The following UGT2B10 variants were observed in gnomAD, a reference collection of about 807,000 sequenced individuals.
UGT2B10 encodes the protein UDP-glucuronosyltransferase 2B10.
UGT2B10 carries 51 observed loss-of-function variants against 43.7 expected under a neutral mutation model. That is an observed-to-expected ratio of 1.17 (90% CI 0.93 to 1.47). UGT2B10 has a LOEUF of 1.47. Among genes scored for constraint, UGT2B10 ranks in the 40% most tolerant of loss-of-function variants. The pLI, the probability that UGT2B10 is intolerant of heterozygous loss-of-function variation, is 0.00. For missense variants in UGT2B10, 696 were observed against 617.7 expected, an observed-to-expected ratio of 1.13 and a Z score of -1.34; for synonymous variants, 225 against 209.0, an observed-to-expected ratio of 1.08 and a Z score of -0.66.
In UGT2B10 at chr4:68,828,325, C is replaced by T. The variant is rs762648739; in HGVS notation, c.1307+777C>T. ...GTGTTTTAATATTTAATTTCTTTTA[C>T]ACTTGTATAATATTTTTTAATATAG... On this transcript the variant is annotated intron_variant, in intron 5 of 5. Coordinates refer to ENST00000265403, the MANE Select transcript of UGT2B10 (RefSeq NM_001075.6). Among the ~76,000 whole-genome samples the T allele has an allele frequency of 1.1e-3, 162 of 151,700 alleles. 1 individual carries two copies. The highest frequency in any genetic ancestry group is 8.4e-4 in the Non-Finnish European group (57 of 67,870).
chr4:68,822,051 T>C (rs986879420), intron 2 of UGT2B10, among the ~76,000 whole-genome samples: 3 of 152,074 alleles, frequency 2.0e-5, no homozygotes, highest in Admixed American at 6.6e-5. Context: ...CATACCTACA[T>C]ACACACACAT....
At chr4:68,819,865 T>C (rs755935228) in intron 2 of UGT2B10, among the ~76,000 whole-genome samples, 1 of 152,078 alleles carries the variant, frequency 6.6e-6, no homozygotes, top group Non-Finnish European at 1.5e-5. Flanking sequence ...TTTTAAGGCA[T>C]ATGTAAAAAG....
intron 2 of UGT2B10, among the ~76,000 whole-genome samples, chr4:68,820,920 C>A (rs186675624): frequency 1.3e-3 from 194 of 152,180 alleles, no homozygotes; most frequent in African/African-American, 4.5e-3. Context: ...TGAATCTCTA[C>A]ACAGAGGTTA....
At chr4:68,826,663 G>A (rs1367185240) in intron 4 of UGT2B10, among the ~76,000 whole-genome samples, 166 bp downstream of exon 4, 4 of 152,052 alleles carry the variant, frequency 2.6e-5, no homozygotes, top group Non-Finnish European at 5.9e-5. Context: ...ATAATTGTTG[G>A]CATTTTGTGA....
chr4:68,819,330 T>A (rs835313), intron 2 of UGT2B10, among the ~76,000 whole-genome samples: 134,184 of 151,908 alleles, frequency 0.88, 61,360 homozygotes, highest in Non-Finnish European at 1. Context: ...TGTCTTGGAA[T>A]GTCATAGATG....
Position 68,816,724 on chromosome 4 carries a change from C to A in UGT2B10, c.705C>A (p.Tyr235Ter), listed in dbSNP as rs771325774. The change falls in exon 1 of 6, where the codon TAC becomes TAA. Residue 235 changes from tyrosine (Y) to a stop codon, truncating the protein, a stop_gained. Transcript: ENST00000265403. LOFTEE classifies it high-confidence loss of function. ...IFNMKKWDQF[Y>*]SEVLGRPTTL... ...ATATGAAGAAGTGGGATCAGTTTTACAGTGAAGTTTTAGGTAAGATTTTTT... is the reference window on the plus strand; with the variant it reads ...ATATGAAGAAGTGGGATCAGTTTTAAAGTGAAGTTTTAGGTAAGATTTTTT... 1.3e-6 allele frequency: 2 copies of A among 1,598,746 alleles called. No individual in the cohort carries two copies. Among genetic ancestry groups the A allele is most frequent in the South Asian group, 1.1e-5 (1 of 88,982 alleles).
Position 68,826,465 on chromosome 4 carries a change from T to C in UGT2B10, c.1055T>C (p.Leu352Pro). The C allele has an allele frequency of 6.2e-7, 1 of 1,612,596 alleles. No individual in the cohort carries two copies. Among genetic ancestry groups the C allele is most frequent in the Admixed American group, 1.7e-5 (1 of 59,900 alleles). Residue 352 changes from leucine (L) to proline (P), a missense_variant, in exon 4 of 6, where the codon CTG becomes CCG. Physicochemically the swap from Leu to Pro is moderately conservative, Grantham distance 98. Coordinates refer to ENST00000265403, the MANE Select transcript of UGT2B10 (RefSeq NM_001075.6). The stretch of plus-strand genomic sequence containing the variant: ...GATGCCTTAGGTCTCAATACTCGAC[T>C]GTACAAGTGGATACCCCAGAATGAC... Reference protein sequence around the residue: ...KPDALGLNTRLYKWIPQNDLL... With the variant: ...KPDALGLNTRPYKWIPQNDLL...
intron 3 of UGT2B10, among the ~76,000 whole-genome samples, chr4:68,824,926 G>A (rs981105486): frequency 2.6e-5 from 4 of 151,974 alleles, no homozygotes; most frequent in Non-Finnish European, 5.9e-5. Context: ...AATACTGGTT[G>A]GTAATACTCT....
chr4:68,816,572 G>T lies in UGT2B10; in HGVS notation c.553G>T (p.Gly185Ter), dbSNP rs748152819. 1 of 1,612,844 alleles carries T rather than the reference G, an allele frequency of 6.2e-7. No individual in the cohort carries two copies. The highest frequency in any genetic ancestry group is 1.3e-5 in the African/African-American group (1 of 74,836). ...PGYSFERHSG[G>*]FIFPPSYVPV... ...CTACTCATTTGAAAGGCACAGTGGA[G>T]GATTTATTTTCCCTCCTTCCTACGT... The change falls in exon 1 of 6, where the codon GGA becomes TGA. Residue 185 changes from glycine (G) to a stop codon, truncating the protein, a stop_gained. Coordinates refer to ENST00000265403, the MANE Select transcript of UGT2B10 (RefSeq NM_001075.6). LOFTEE classifies it high-confidence loss of function.
intron 2 of UGT2B10, among the ~76,000 whole-genome samples, chr4:68,821,352 G>GA (rs1172931040): frequency 3.9e-5 from 6 of 152,140 alleles, no homozygotes; most frequent in African/African-American, 1.4e-4. Context: ...TCAAAAGAGA[G>GA]ACAAGATCCC....
intron 3 of UGT2B10, among the ~76,000 whole-genome samples, chr4:68,824,720 A>G (rs1235401747): frequency 6.6e-6 from 1 of 152,180 alleles, no homozygotes; most frequent in Non-Finnish European, 1.5e-5. Flanking sequence ...CAAAATTAGT[A>G]ACAACATAAA....
At chr4:68,820,947 C>G (rs1168858133) in intron 2 of UGT2B10, among the ~76,000 whole-genome samples, 1 of 152,046 alleles carries the variant, frequency 6.6e-6, no homozygotes, top group African/African-American at 2.4e-5. Context: ...TTCAACACTG[C>G]ATAGAAAAAC....
Position 68,826,466 on chromosome 4 carries a change from G to T in UGT2B10, c.1056G>T (p.Leu352=). 1 of 1,612,484 alleles carries T rather than the reference G, an allele frequency of 6.2e-7. No individual in the cohort carries two copies. The highest frequency in any genetic ancestry group is 1.7e-5 in the Admixed American group (1 of 59,876). The part of the protein sequence containing the change: ...KPDALGLNTR[L]YKWIPQNDLL... ...ATGCCTTAGGTCTCAATACTCGACT[G>T]TACAAGTGGATACCCCAGAATGACC... Residue 352 remains leucine (L), a synonymous_variant, in exon 4 of 6, where the codon CTG becomes CTT. Coordinates refer to ENST00000265403, the MANE Select transcript of UGT2B10 (RefSeq NM_001075.6).
chr4:68,817,349 G>C (rs754346996), intron 1 of UGT2B10, among the ~76,000 whole-genome samples: 2 of 151,734 alleles, frequency 1.3e-5, no homozygotes, highest in Non-Finnish European at 3.0e-5. Flanking sequence ...GAAGTGTGAA[G>C]GTTGTTATAT....
chr4:68,829,926 A>G (rs1378810534), intron 5 of UGT2B10, among the ~76,000 whole-genome samples: 1 of 152,098 alleles, frequency 6.6e-6, no homozygotes, highest in African/African-American at 2.4e-5. Context: ...GAGTGCCATA[A>G]TCTCACTTTA....
Position 68,816,202 on chromosome 4 carries a change from T to G in UGT2B10, c.183T>G (p.Ile61Met). The G allele has an allele frequency of 6.2e-7, 1 of 1,613,242 alleles. No individual in the cohort carries two copies. Among genetic ancestry groups the G allele is most frequent in the East Asian group, 2.2e-5 (1 of 44,818 alleles). The change falls in exon 1 of 6, where the codon ATT (isoleucine) becomes ATG (methionine). Residue 61 changes from isoleucine to methionine, a missense_variant. Coordinates refer to ENST00000265403, the MANE Select transcript of UGT2B10 (RefSeq NM_001075.6). ...CTGTACTGGCATCTTCAGCTTCCAT[T>G]CTTTTTGATCCCAACGACTCATCCA... Reference protein sequence around the residue: ...EVTVLASSASILFDPNDSSTL... With the variant: ...EVTVLASSASMLFDPNDSSTL...
chr4:68,824,715 T>C (rs1737682641), intron 3 of UGT2B10, among the ~76,000 whole-genome samples: 1 of 152,164 alleles, frequency 6.6e-6, no homozygotes, highest in African/African-American at 2.4e-5. Context: ...AGTTTCAAAA[T>C]TAGTAACAAC....
In UGT2B10 at chr4:68,816,470, G is replaced by A. The variant is rs200419731; in HGVS notation, c.451G>A (p.Ala151Thr). ...AAGATTTGACATCGTTTTTGCAGAT[G>A]CTTATTTACCCTGTGGTGAGCTGCT... is the stretch of plus-strand genomic sequence containing the variant. The part of the protein sequence containing the change: ...ESRFDIVFAD[A>T]YLPCGELLAE... The change falls in exon 1 of 6, where the codon GCT becomes ACT. Residue 151 changes from alanine (A) to threonine (T), a missense_variant. Coordinates refer to ENST00000265403, the MANE Select transcript of UGT2B10 (RefSeq NM_001075.6). 716 of 1,612,928 alleles carry A rather than the reference G, an allele frequency of 4.4e-4. No homozygotes were observed. Among genetic ancestry groups the A allele is most frequent in the Admixed American group, 1.3e-3 (75 of 59,890 alleles).
chr4:68,822,098 C>T (rs1283900250), intron 2 of UGT2B10, among the ~76,000 whole-genome samples, 173 bp from the exon 3 acceptor site: 2 of 152,114 alleles, frequency 1.3e-5, no homozygotes, highest in Non-Finnish European at 2.9e-5. Flanking sequence ...CCAACTATCT[C>T]ATACATCTTC....
Sources: gnomAD v4.1 joint callset for allele counts (sites outside exome capture counted in the v4.1 genomes callset) on GRCh38, gnomAD v4.1.1 for gene constraint, MANE v1.5 for transcripts, NCBI Gene and HGNC (gene_info 2026-07-23, HGNC 2026-07-21) for gene names.